ADGRB3: variants seen among roughly 807,000 people sequenced by gnomAD.
ADGRB3 encodes the protein brain-specific angiogenesis inhibitor 3.
Under a neutral mutation model 193.4 loss-of-function variants are expected in ADGRB3, and 37 were observed. The observed-to-expected ratio is 0.19, with a 90% CI of 0.15 to 0.25. ADGRB3 has a LOEUF of 0.25. ADGRB3 is among the 10% of genes least tolerant of loss of function. The pLI is 1.00. For missense variants in ADGRB3, 1,637 were observed against 1,852.9 expected (o/e 0.88, Z 2.14); for synonymous variants, 690 against 644.2 (o/e 1.07, Z -1.08).
chr6:69,254,170 G>A (rs974339708), intron 20 of ADGRB3, among the ~76,000 whole-genome samples: 2 of 152,122 alleles, frequency 1.3e-5, no homozygotes, highest in Non-Finnish European at 2.9e-5. Flanking sequence ...ATTCTGTCTA[G>A]AAACCATTTA....
At chr6:68,664,655 G>A (rs1768755330) in intron 3 of ADGRB3, among the ~76,000 whole-genome samples, 1 of 151,822 alleles carries the variant, frequency 6.6e-6, no homozygotes, top group Non-Finnish European at 1.5e-5. Context: ...GACTAAGATA[G>A]ATACCTCTGA....
chr6:69,045,985 AAAGT>A (rs1393999414), intron 13 of ADGRB3, among the ~76,000 whole-genome samples: 3 of 152,164 alleles, frequency 2.0e-5, no homozygotes, highest in East Asian at 3.8e-4. Context: ...TGTATTTCAT[AAAGT>A]AAGACCCATG....
intron 3 of ADGRB3, among the ~76,000 whole-genome samples, chr6:68,743,823 G>T (rs1055200286): frequency 5.9e-5 from 9 of 152,018 alleles, no homozygotes; most frequent in Admixed American, 5.9e-4. Flanking sequence ...TGTTAATTTT[G>T]TAATTTATGT....
At chr6:68,952,406 T>G (rs1767953227) in intron 6 of ADGRB3, among the ~76,000 whole-genome samples, 1 of 152,114 alleles carries the variant, frequency 6.6e-6, no homozygotes, top group African/African-American at 2.4e-5. Context: ...TGTTGTCTAG[T>G]TTTTTAAGTT....
chr6:69,180,862 G>T (rs770825607), intron 17 of ADGRB3, among the ~76,000 whole-genome samples: 10 of 152,296 alleles, frequency 6.6e-5, no homozygotes, highest in Admixed American at 3.3e-4. Context: ...CCACAGAATG[G>T]CTGATTTTGT....
At chr6:68,641,150 A>G (rs954423558) in intron 3 of ADGRB3, among the ~76,000 whole-genome samples, 2 of 152,216 alleles carry the variant, frequency 1.3e-5, no homozygotes, top group Non-Finnish European at 2.9e-5. Context: ...TGTTGTTTTA[A>G]TACAGTTTAG....
At chr6:68,887,665 CTG>C (rs1027058718) in intron 3 of ADGRB3, among the ~76,000 whole-genome samples, 2 of 152,026 alleles carry the variant, frequency 1.3e-5, no homozygotes, top group African/African-American at 4.8e-5. Context: ...TGTTTAATAT[CTG>C]TTTTACTTAA....
At chr6:69,122,812 A>C (rs1006387863) in intron 17 of ADGRB3, among the ~76,000 whole-genome samples, 1 of 152,076 alleles carries the variant, frequency 6.6e-6, no homozygotes, top group African/African-American at 2.4e-5. Context: ...ATATGGCAGA[A>C]CAAAGCTGGT....
chr6:69,277,056 CG>C (rs1767318468), intron 20 of ADGRB3, among the ~76,000 whole-genome samples: 1 of 147,162 alleles, frequency 6.8e-6, no homozygotes, highest in African/African-American at 2.5e-5. Flanking sequence ...AGTGCAGTGG[CG>C]TGATCTCAGC....
Position 68,726,620 on chromosome 6 carries a change from T to C in ADGRB3, c.757+87188T>C, listed in dbSNP as rs367595097. On this transcript the variant is annotated intron_variant, in intron 3 of 31. Transcript: ENST00000370598. ...ATCCTTTATTTGGAGGGCTTGGTTA[T>C]TTCCCTATATGGAAAATAAAGGATA... is the stretch of plus-strand genomic sequence containing the variant. 6.6e-5 allele frequency among the ~76,000 whole-genome samples: 10 copies of C among 151,716 alleles called. No individual in the cohort carries two copies. The East Asian group carries it at 1.2e-3, about 18-fold the overall frequency.
chr6:68,914,520 C>T (rs1283346045), intron 3 of ADGRB3, among the ~76,000 whole-genome samples: 1 of 152,108 alleles, frequency 6.6e-6, no homozygotes, highest in Non-Finnish European at 1.5e-5. Context: ...ACCAGGCCTG[C>T]CCTAAAGGAG....
Position 68,719,461 on chromosome 6 carries a change from G to A in ADGRB3, c.757+80029G>A, listed in dbSNP as rs562216464. Among the ~76,000 whole-genome samples the A allele has an allele frequency of 5.3e-5, 8 of 151,802 alleles. No homozygotes were observed. In the East Asian group the frequency reaches 9.7e-4, roughly 18 times the overall value. On this transcript the variant is annotated intron_variant, in intron 3 of 31. Transcript: ENST00000370598. ...GGCACAAATAATTACACCTCAAAAC[G>A]AACAGCATACAATGAGAGTGAGAGC...
chr6:68,738,746 T>C (rs1327584437), intron 3 of ADGRB3, among the ~76,000 whole-genome samples: 1 of 152,198 alleles, frequency 6.6e-6, no homozygotes, highest in African/African-American at 2.4e-5. Context: ...ACTAGTTTGA[T>C]TTGGGTCAAA....
In ADGRB3 at chr6:69,282,704, A is replaced by G. The variant is rs1334107782; in HGVS notation, c.2815-42168A>G. On this transcript the variant is annotated intron_variant, in intron 20 of 31. Transcript: ENST00000370598. ...ATTGGGTGACTATAAGCTTCTTAGA[A>G]CAAAACGTGAATCTATGGGGTGGGA... is the stretch of plus-strand genomic sequence containing the variant. 3.9e-5 allele frequency among the ~76,000 whole-genome samples: 6 copies of G among 152,230 alleles called. No homozygotes were observed. In the East Asian group the frequency reaches 1.2e-3, roughly 29 times the overall value.
Position 69,124,791 on chromosome 6 carries a change from A to G in ADGRB3, c.2480+48753A>G, listed in dbSNP as rs530576035. On this transcript the variant is annotated intron_variant, in intron 17 of 31. Coordinates refer to ENST00000370598, the MANE Select transcript of ADGRB3 (RefSeq NM_001704.3). ...ATATCATGAGGAAAACAATTAGAAA[A>G]ATGTGAAGTTCTTTTCTTCACCAAA... is the stretch of plus-strand genomic sequence containing the variant. Among the ~76,000 whole-genome samples, 26 of 152,350 alleles carry G rather than the reference A, an allele frequency of 1.7e-4. 1 individual carries two copies. The highest frequency in any genetic ancestry group is 5.5e-4 in the African/African-American group (23 of 41,584).
intron 3 of ADGRB3, among the ~76,000 whole-genome samples, chr6:68,792,203 C>G (rs1191424437): frequency 6.6e-6 from 1 of 152,166 alleles, no homozygotes; most frequent in East Asian, 1.9e-4. Context: ...CTGATGAATT[C>G]TGCAATTCAT....
intron 15 of ADGRB3, among the ~76,000 whole-genome samples, chr6:69,056,997 T>C (rs1582427811): frequency 6.6e-6 from 1 of 152,152 alleles, no homozygotes; most frequent in Non-Finnish European, 1.5e-5. Context: ...TTGGGTAATA[T>C]GGACATTTTA....
chr6:68,687,398 G>T (rs1171872350), intron 3 of ADGRB3, among the ~76,000 whole-genome samples: 1 of 151,934 alleles, frequency 6.6e-6, no homozygotes, highest in Admixed American at 6.6e-5. Context: ...CAATGTTTTT[G>T]CACCAAAATA....
intron 17 of ADGRB3, among the ~76,000 whole-genome samples, chr6:69,090,459 A>G (rs1772673228): frequency 6.6e-6 from 1 of 152,234 alleles, no homozygotes; most frequent in Non-Finnish European, 1.5e-5. Flanking sequence ...AATCAAATAA[A>G]TAACAACCAT....
Sources: gnomAD v4.1 joint callset for allele counts (sites outside exome capture counted in the v4.1 genomes callset) on GRCh38, gnomAD v4.1.1 for gene constraint, MANE v1.5 for transcripts, NCBI Gene and HGNC (gene_info 2026-07-23, HGNC 2026-07-21) for gene names.